BRD1: variants seen among roughly 807,000 people sequenced by gnomAD.
The protein encoded by BRD1 is bromodomain containing 1.
A neutral mutation model predicts 107.7 loss-of-function variants in BRD1; 24 were observed. The ratio of observed to expected loss-of-function variants is 0.22; its 90% CI spans 0.16 to 0.31. The LOEUF is 0.31. Among genes scored for constraint, BRD1 ranks in the 10% least tolerant of loss-of-function variants. BRD1 has a pLI of 1.00. For missense variants in BRD1, 1,279 were observed against 1,638.6 expected, an observed-to-expected ratio of 0.78 and a Z score of 3.79; for synonymous variants, 744 against 686.1, an observed-to-expected ratio of 1.08 and a Z score of -1.32.
chr22:49,789,892 T>A (rs1021202683), intron 7 of BRD1, among the ~76,000 whole-genome samples: 1 of 152,150 alleles, frequency 6.6e-6, no homozygotes, highest in Non-Finnish European at 1.5e-5. Flanking sequence ...GGATGCCCCA[T>A]GTGGGACTCA....
Position 49,794,200 on chromosome 22 carries a change from C to A in BRD1, c.2193G>T (p.Met731Ile). The A allele has an allele frequency of 6.2e-7, 1 of 1,614,236 alleles. No individual in the cohort carries two copies. Among genetic ancestry groups the A allele is most frequent in the South Asian group, 1.1e-5 (1 of 91,090 alleles). Residue 731 changes from methionine to isoleucine, a missense_variant, in exon 7 of 13, where the codon ATG (methionine) becomes ATT (isoleucine). Physicochemically the swap from Met to Ile is conservative, Grantham distance 10. Around this residue, in one of 7 missense-constraint regions of BRD1, gnomAD observed 406 missense variants for 519.4 expected, o/e 0.78. Coordinates refer to ENST00000404760, the MANE Select transcript of BRD1 (RefSeq NM_001304808.3). ...GCTTGCTCCGGGAGCCGCTGGACTTCATAGCGCAGGTGAGGTCGAGCATGT... is the reference window on the plus strand; with the variant it reads ...GCTTGCTCCGGGAGCCGCTGGACTTAATAGCGCAGGTGAGGTCGAGCATGT... ...LLDMLDLTCA[M>I]KSSGSRSKRA...
rs528554696 is a variant in BRD1 at position 49,808,962 on chromosome 22, C to CA, written c.1368-4603dup. Among the ~76,000 whole-genome samples, 16 of 151,140 alleles carry CA rather than the reference C, an allele frequency of 1.1e-4. No homozygotes were observed. In the South Asian group the frequency reaches 2.9e-3, roughly 28 times the overall value. On this transcript the variant is annotated intron_variant, in intron 2 of 12. Transcript: ENST00000404760. ...TGAAACCCCATCTCTACTAAAAATACAAAAAAATTAGCCAGGCATGATGGC... is the reference window on the plus strand; with the variant it reads ...TGAAACCCCATCTCTACTAAAAATACAAAAAAAATTAGCCAGGCATGATGGC...
rs2059035794 is a variant in BRD1, at chr22:49,774,164, T to C, written c.*69A>G. 2.2e-5 allele frequency: 32 copies of C among 1,474,818 alleles called. 1 individual carries two copies. In the South Asian group the frequency reaches 4.6e-4, roughly 21 times the overall value. 91.4% of individuals were successfully genotyped at this position (1,474,818 alleles called of 1,614,324 possible). A position where few individuals can be genotyped will look rare whatever the true frequency, so the allele number is the denominator to read the frequency against. On this transcript the variant is annotated 3_prime_UTR_variant, in exon 13 of 13. Transcript: ENST00000404760. ...AACTAAAAATCAGAATAAGTTAAGT[T>C]TTGAACAATATACAAACATGTACAG...
At chr22:49,825,442 T>C (rs1483870292) in intron 1 of BRD1, among the ~76,000 whole-genome samples, 2 of 152,184 alleles carry the variant, frequency 1.3e-5, no homozygotes, top group Non-Finnish European at 2.9e-5. Context: ...CAGCTCCTCG[T>C]GGCAGAGGCC....
At chr22:49,818,565 C>T (rs936680866) in intron 2 of BRD1, among the ~76,000 whole-genome samples, 2 of 152,148 alleles carry the variant, frequency 1.3e-5, no homozygotes, top group African/African-American at 2.4e-5. Context: ...ATGGAAAAGA[C>T]TTTCCCTTTT....
At chr22:49,790,817 C>T (rs1362647380) in intron 7 of BRD1, among the ~76,000 whole-genome samples, 2 of 152,244 alleles carry the variant, frequency 1.3e-5, no homozygotes, top group Non-Finnish European at 2.9e-5. Context: ...TGCATCCTTC[C>T]TTTCCTGAGG....
chr22:49,826,646 G>A (rs112615549), intron 1 of BRD1, among the ~76,000 whole-genome samples: 2 of 152,232 alleles, frequency 1.3e-5, no homozygotes, highest in Admixed American at 6.5e-5. Context: ...CAGGGGCCGC[G>A]GCCGCTGAGC....
rs746472046 is a variant in BRD1, at chr22:49,824,349, G to T, written c.-14-18C>A. On this transcript the variant is annotated intron_variant, in intron 1 of 12. Transcript: ENST00000404760. The surrounding 1 kb of genome is among the most constrained non-coding windows in gnomAD (Gnocchi z 5.9). ...ATGATTACCTAAAATGAAGGCAAAA[G>T]TAAAGGTAATTCTACGCAGGGTGAC... 5.0e-6 allele frequency: 8 copies of T among 1,608,018 alleles called. No individual in the cohort carries two copies. Among genetic ancestry groups the T allele is most frequent in the Non-Finnish European group, 6.8e-6 (8 of 1,176,110 alleles).
At chr22:49,795,294 C>T (rs1265828882) in intron 6 of BRD1, among the ~76,000 whole-genome samples, 2 of 152,218 alleles carry the variant, frequency 1.3e-5, no homozygotes, top group African/African-American at 2.4e-5. Flanking sequence ...GGCTCAGGCT[C>T]CAGGCAATGG....
intron 11 of BRD1, 120 bp from the exon 12 acceptor site, chr22:49,775,865 CCA>C: frequency 7.8e-6 from 10 of 1,285,850 alleles, no homozygotes; most frequent in Non-Finnish European, 1.0e-5. Context: ...CAGACCACCC[CCA>C]CGCCCCCCTC....
intron 3 of BRD1, among the ~76,000 whole-genome samples, chr22:49,800,805 A>G (rs1047003069): frequency 2.3e-4 from 35 of 152,234 alleles, no homozygotes; most frequent in Non-Finnish European, 5.0e-4. Context: ...GAGAAAGGAC[A>G]GAAGTGAAGA....
At chr22:49,798,449 TAAG>T (rs1230471659) in intron 5 of BRD1, 106 bp downstream of exon 5, 59 of 1,516,998 alleles carry the variant, frequency 3.9e-5, no homozygotes, top group Non-Finnish European at 5.4e-6. Context: ...AAACGAGAAT[TAAG>T]AACACAAGGG....
chr22:49,791,997 G>A (rs1275152740), intron 7 of BRD1, among the ~76,000 whole-genome samples: 1 of 152,132 alleles, frequency 6.6e-6, no homozygotes, highest in Non-Finnish European at 1.5e-5. Flanking sequence ...CAACAAAAAT[G>A]GTCTCCAAAG....
rs1200304763 is a variant in BRD1, at chr22:49,787,310, C to CG, written c.2857+79_2857+80insC. 51 of 1,138,882 alleles carry CG rather than the reference C, an allele frequency of 4.5e-5. 2 individuals are homozygous for CG. In the East Asian group the frequency reaches 1.3e-3, roughly 28 times the overall value. 70.5% of individuals were successfully genotyped at this position (1,138,882 alleles called of 1,614,324 possible). On this transcript the variant is annotated intron_variant, in intron 8 of 12. Transcript: ENST00000404760. Reference sequence around the variant, plus strand: ...AACAGAAGCTGGACACCCCCCCCCCCCCGTCACACCAATGATCCTGAAGGA... The same window carrying CG: ...AACAGAAGCTGGACACCCCCCCCCCCGCCGTCACACCAATGATCCTGAAGGA...
intron 10 of BRD1, among the ~76,000 whole-genome samples, chr22:49,776,449 G>A (rs1007422238): frequency 6.6e-6 from 1 of 152,164 alleles, no homozygotes; most frequent in African/African-American, 2.4e-5. Flanking sequence ...TCCCTTCTGA[G>A]CCCTCCTTGC....
rs2059030472 is a variant in BRD1 at position 49,773,777 on chromosome 22, AAGTGATGTACAC to A, written c.*444_*455del. ...CAGCGGAGTGTTTTTGGTGATCTGC[AAGTGATGTACAC>A]AGCATAACTTTATTCTCCCCTCTTT... On this transcript the variant is annotated 3_prime_UTR_variant, in exon 13 of 13. Transcript: ENST00000404760. 1 of 153,058 alleles carries A rather than the reference AAGTGATGTACAC, an allele frequency of 6.5e-6. No homozygotes were observed. The highest frequency in any genetic ancestry group is 1.5e-5 in the Non-Finnish European group (1 of 68,424). 9.5% of individuals were successfully genotyped at this position (153,058 alleles called of 1,614,324 possible). A position where few individuals can be genotyped will look rare whatever the true frequency, so the allele number is the denominator to read the frequency against.
At chr22:49,793,821 C>A (rs780663193) in intron 7 of BRD1, among the ~76,000 whole-genome samples, 4 of 152,226 alleles carry the variant, frequency 2.6e-5, no homozygotes, top group Non-Finnish European at 5.9e-5. Flanking sequence ...TGAGAAAACA[C>A]AGACAGCACA....
In BRD1 at chr22:49,779,935, GAGCCTGGCGACCCACACCCCAC is replaced by G. The variant is rs575424457; in HGVS notation, c.2858-2144_2858-2123del. Among the ~76,000 whole-genome samples the G allele has an allele frequency of 9.2e-3, 1,400 of 152,272 alleles. 25 individuals are homozygous for G. The highest frequency in any genetic ancestry group is 0.033 in the African/African-American group (1,353 of 41,548). ...TGACCCGTCTCCAGAGAGCAGCCAC[GAGCCTGGCGACCCACACCCCAC>G]AGCCCGGCCCCCAGCACACTCCAGA... On this transcript the variant is annotated intron_variant, in intron 8 of 12. Transcript: ENST00000404760.
At chr22:49,776,945 C>A (rs2059111925) in intron 10 of BRD1, 89 bp downstream of exon 10, 2 of 1,561,694 alleles carry the variant, frequency 1.3e-6, no homozygotes, top group Non-Finnish European at 1.7e-6. Flanking sequence ...ACCATGCTCC[C>A]TGAGCCGGAG....
Sources: allele counts gnomAD v4.1 joint callset (sites outside exome capture counted in the v4.1 genomes callset), GRCh38; gene constraint gnomAD v4.1.1; regional missense constraint gnomAD v4.1.1; non-coding constraint Gnocchi (gnomAD v3.1); transcripts MANE v1.5; gene names NCBI Gene and HGNC (gene_info 2026-07-23, HGNC 2026-07-21).